The following SPAG16 variants were observed in gnomAD, a reference collection of about 807,000 sequenced individuals.
SPAG16 encodes sperm associated antigen 16.
Under a neutral mutation model 80.4 loss-of-function variants are expected in SPAG16, and 86 were observed. That is an observed-to-expected ratio of 1.07 (90% CI 0.90 to 1.28). The LOEUF (loss-of-function observed/expected upper bound fraction) is 1.28. Among genes scored for constraint, SPAG16 ranks in the 50% most tolerant of loss-of-function variants. SPAG16 has a pLI of 0.00. For missense variants in SPAG16, 870 were observed against 765.3 expected (o/e 1.14, Z -1.61); for synonymous variants, 294 against 265.9 (o/e 1.11, Z -1.03).
intron 13 of SPAG16, among the ~76,000 whole-genome samples, chr2:214,073,168 T>G (rs2050880785): frequency 6.6e-6 from 1 of 151,654 alleles, no homozygotes; most frequent in Non-Finnish European, 1.5e-5. Context: ...CCTACCAAAA[T>G]TGGTCAACAA....
chr2:213,992,596 T>C (rs926176332), intron 12 of SPAG16, among the ~76,000 whole-genome samples: 1 of 152,208 alleles, frequency 6.6e-6, no homozygotes, highest in African/African-American at 2.4e-5. Flanking sequence ...TTAAATTTGA[T>C]GATTTTTTTA....
intron 12 of SPAG16, among the ~76,000 whole-genome samples, chr2:213,976,141 C>T (rs940089112): frequency 6.2e-5 from 8 of 128,174 alleles, no homozygotes; most frequent in East Asian, 2.2e-4. Context: ...TATATACACA[C>T]ACACACACAC....
intron 15 of SPAG16, among the ~76,000 whole-genome samples, chr2:214,207,764 C>T (rs926388789): frequency 6.6e-6 from 1 of 152,128 alleles, no homozygotes; most frequent in African/African-American, 2.4e-5. Flanking sequence ...GGGTACCATC[C>T]AATCAGTTGC....
chr2:214,014,185 A>G, intron 13 of SPAG16, 108 bp downstream of exon 13: 1 of 1,371,912 alleles, frequency 7.3e-7, no homozygotes. Context: ...AAGGGCATTC[A>G]GGGCAAAAGA....
At position 214,277,851 on chromosome 2, in the gene SPAG16, C is replaced by G. The variant is rs528441104; in HGVS notation, c.1720+128585C>G. Among the ~76,000 whole-genome samples the G allele has an allele frequency of 2.0e-5, 3 of 152,354 alleles. No homozygotes were observed. The South Asian group carries it at 6.2e-4, about 32-fold the overall frequency. ...CACTGCTCTCTTCAGAGCTGTCAGA[C>G]AGGGACGTTTAAGTCTGCAGAAGTT... On this transcript the variant is annotated intron_variant, in intron 15 of 15. Transcript: ENST00000331683.
At chr2:213,461,235 C>T (rs1487387917) in intron 9 of SPAG16, among the ~76,000 whole-genome samples, 1 of 152,120 alleles carries the variant, frequency 6.6e-6, no homozygotes, top group Non-Finnish European at 1.5e-5. Context: ...AAATGCAGTT[C>T]TACATTATTA....
At chr2:214,209,777 G>A (rs1486585851) in intron 15 of SPAG16, among the ~76,000 whole-genome samples, 1 of 152,058 alleles carries the variant, frequency 6.6e-6, no homozygotes, top group Non-Finnish European at 1.5e-5. Flanking sequence ...GCCAAATTAA[G>A]CCTATTTAAC....
rs1015369526 is a variant in SPAG16, at chr2:214,282,264, T to C, written c.1721-127876T>C. On this transcript the variant is annotated intron_variant, in intron 15 of 15. Coordinates refer to ENST00000331683, the MANE Select transcript of SPAG16 (RefSeq NM_024532.5). The stretch of plus-strand genomic sequence containing the variant: ...AAACATAAATTATAAATGATGTAGA[T>C]TGAATCAATTATAATAAAATTACTT... Among the ~76,000 whole-genome samples, 4 of 152,110 alleles carry C rather than the reference T, an allele frequency of 2.6e-5. No homozygotes were observed. In the South Asian group the frequency reaches 6.2e-4, roughly 24 times the overall value.
chr2:213,452,695 G>T lies in SPAG16; in HGVS notation c.943-37268G>T, dbSNP rs16850348. Among the ~76,000 whole-genome samples, 463 of 152,288 alleles carry T rather than the reference G, an allele frequency of 3.0e-3. 2 individuals are homozygous for T. Among genetic ancestry groups the T allele is most frequent in the African/African-American group, 0.01 (430 of 41,556 alleles). On this transcript the variant is annotated intron_variant, in intron 9 of 15. Transcript: ENST00000331683. Reference sequence around the variant, plus strand: ...GGTGAACAGGGACTGGGATGTTCTGGCCCCTGCCATTGCTTACTGAATCTT... The same window carrying T: ...GGTGAACAGGGACTGGGATGTTCTGTCCCCTGCCATTGCTTACTGAATCTT...
chr2:214,163,635 TATAGAG>T (rs993436412), intron 15 of SPAG16, among the ~76,000 whole-genome samples: 3 of 114,940 alleles, frequency 2.6e-5, no homozygotes, highest in Admixed American at 8.9e-5. Context: ...TACATATATA[TATAGAG>T]AGAGAGAGAG....
At chr2:213,362,630 T>C (rs889577970) in intron 7 of SPAG16, among the ~76,000 whole-genome samples, 2 of 152,182 alleles carry the variant, frequency 1.3e-5, no homozygotes, top group African/African-American at 4.8e-5. Context: ...TCCATAACTT[T>C]AGTCTAACCA....
intron 11 of SPAG16, among the ~76,000 whole-genome samples, chr2:213,916,491 G>A (rs2077976746): frequency 6.6e-6 from 1 of 152,184 alleles, no homozygotes; most frequent in Admixed American, 6.5e-5. Flanking sequence ...TTTGATAACA[G>A]TACCATGCTC....
chr2:214,069,316 AC>A (rs2050677878), intron 13 of SPAG16, among the ~76,000 whole-genome samples: 1 of 152,166 alleles, frequency 6.6e-6, no homozygotes. Flanking sequence ...TGTGTTATAA[AC>A]ATCACAGAGT....
chr2:213,346,213 A>G (rs1387778227), intron 6 of SPAG16, among the ~76,000 whole-genome samples: 1 of 152,014 alleles, frequency 6.6e-6, no homozygotes, highest in African/African-American at 2.4e-5. Context: ...AATGCTTGTG[A>G]TTTTTGCACA....
At chr2:214,206,262 T>C (rs2058142419) in intron 15 of SPAG16, among the ~76,000 whole-genome samples, 1 of 151,986 alleles carries the variant, frequency 6.6e-6, no homozygotes, top group Non-Finnish European at 1.5e-5. Flanking sequence ...TTAACCAACT[T>C]CTCCTTATCT....
chr2:214,311,421 C>T (rs903765589), intron 15 of SPAG16, among the ~76,000 whole-genome samples: 2 of 152,156 alleles, frequency 1.3e-5, no homozygotes, highest in Admixed American at 6.5e-5. Context: ...ATGGCTGCCT[C>T]GTGCTGTGCC....
intron 5 of SPAG16, among the ~76,000 whole-genome samples, chr2:213,328,507 CACTTT>C (rs1351210571): frequency 2.6e-5 from 4 of 152,130 alleles, no homozygotes; most frequent in African/African-American, 9.7e-5. Context: ...ATTTTCCATT[CACTTT>C]ACTTAAATTC....
At chr2:213,574,716 A>G (rs1042682892) in intron 10 of SPAG16, among the ~76,000 whole-genome samples, 3 of 148,832 alleles carry the variant, frequency 2.0e-5, no homozygotes, top group Admixed American at 6.8e-5. Flanking sequence ...TATGATATAT[A>G]TATATATGAG....
At chr2:213,664,620 G>A (rs2063538345) in intron 10 of SPAG16, among the ~76,000 whole-genome samples, 2 of 151,822 alleles carry the variant, frequency 1.3e-5, no homozygotes, top group Admixed American at 1.3e-4. Context: ...TTTCTTTGTA[G>A]TTCTGGAATG....
Sources: allele counts gnomAD v4.1 joint callset (sites outside exome capture counted in the v4.1 genomes callset), GRCh38; gene constraint gnomAD v4.1.1; transcripts MANE v1.5; gene names NCBI Gene and HGNC (gene_info 2026-07-23, HGNC 2026-07-21).